Variants in CEP85L observed in about 807,000 individuals in gnomAD.
The protein encoded by CEP85L is centrosomal protein of 85 kDa-like.
CEP85L carries 60 observed loss-of-function variants against 100.3 expected under a neutral mutation model. That is an observed-to-expected ratio of 0.60 (90% CI 0.49 to 0.74). The LOEUF is 0.74. Among genes scored for constraint, CEP85L ranks in the 30% least tolerant of loss-of-function variants. CEP85L has a pLI of 0.00. For synonymous variants in CEP85L, 319 were observed against 322.7 expected, an observed-to-expected ratio of 0.99 and a Z score of 0.12; for missense variants, 973 against 936.2, an observed-to-expected ratio of 1.04 and a Z score of -0.51.
chr6:118,625,364 A>G (rs1001180604), intron 2 of CEP85L, among the ~76,000 whole-genome samples: 2 of 152,206 alleles, frequency 1.3e-5, no homozygotes, highest in Non-Finnish European at 2.9e-5. Context: ...CTTATACCCC[A>G]GTCCCGCCAC....
At chr6:118,614,909 T>TAGA (rs1554230858) in intron 2 of CEP85L, among the ~76,000 whole-genome samples, 4 of 150,952 alleles carry the variant, frequency 2.6e-5, no homozygotes, top group Non-Finnish European at 4.4e-5. Context: ...GATAGATAGA[T>TAGA]TTTTTTAAAA....
intron 3 of CEP85L, among the ~76,000 whole-genome samples, chr6:118,542,192 A>G (rs1264763011): frequency 6.6e-6 from 1 of 152,210 alleles, no homozygotes; most frequent in Non-Finnish European, 1.5e-5. Flanking sequence ...AAAATAAGAC[A>G]TTAAAATTTG....
intron 3 of CEP85L, among the ~76,000 whole-genome samples, chr6:118,556,208 AG>A (rs1388340546): frequency 6.6e-6 from 1 of 152,210 alleles, no homozygotes; most frequent in Non-Finnish European, 1.5e-5. Context: ...TGCTTTTATA[AG>A]CTGCTATTTT....
chr6:118,478,121 A>G (rs1278754750), intron 10 of CEP85L, among the ~76,000 whole-genome samples: 2 of 152,126 alleles, frequency 1.3e-5, no homozygotes, highest in Admixed American at 1.3e-4. Context: ...TCCATTAACC[A>G]CAATAGAAAG....
chr6:118,636,715 C>G (rs948923611), intron 1 of CEP85L, among the ~76,000 whole-genome samples: 1 of 152,154 alleles, frequency 6.6e-6, no homozygotes, highest in African/African-American at 2.4e-5. Flanking sequence ...CTGCCTGATC[C>G]CCTTTGATTA....
At chr6:118,624,149 C>T (rs1225446595) in intron 2 of CEP85L, among the ~76,000 whole-genome samples, 2 of 152,148 alleles carry the variant, frequency 1.3e-5, no homozygotes, top group East Asian at 3.9e-4. Flanking sequence ...GCTAAAAAGA[C>T]TCCTGCAGTT....
chr6:118,511,288 G>C lies in CEP85L; in HGVS notation c.1257+10C>G. The C allele has an allele frequency of 6.4e-7, 1 of 1,559,444 alleles. No homozygotes were observed. Among genetic ancestry groups the C allele is most frequent in the Non-Finnish European group, 8.8e-7 (1 of 1,131,360 alleles). ...TACTAAAACAGCTACAAAATCCTCT[G>C]TAATCTTACCTGCAAACTAGCCACA... On this transcript the variant is annotated intron_variant, in intron 5 of 12. Transcript: ENST00000368491.
At chr6:118,648,111 G>T (rs976402956) in intron 1 of CEP85L, among the ~76,000 whole-genome samples, 1 of 152,154 alleles carries the variant, frequency 6.6e-6, no homozygotes, top group Non-Finnish European at 1.5e-5. Context: ...AAAATTAGCT[G>T]GGTGTGGTGG....
chr6:118,626,487 G>T (rs1773803002), intron 2 of CEP85L, among the ~76,000 whole-genome samples: 1 of 152,128 alleles, frequency 6.6e-6, no homozygotes, highest in South Asian at 2.1e-4. Context: ...AAACGAGTAA[G>T]CATAAGTCGC....
intron 2 of CEP85L, among the ~76,000 whole-genome samples, chr6:118,591,675 C>T (rs1336847239): frequency 1.3e-5 from 2 of 151,826 alleles, no homozygotes; most frequent in African/African-American, 2.4e-5. Flanking sequence ...ATTCTGTAAC[C>T]AGATTCTTGA....
At chr6:118,628,125 C>T (rs377473217) in intron 2 of CEP85L, among the ~76,000 whole-genome samples, 19 of 151,752 alleles carry the variant, frequency 1.3e-4, no homozygotes, top group African/African-American at 2.9e-4. Flanking sequence ...CAGTATATCA[C>T]GATCAGCTTT....
At chr6:118,542,046 A>C (rs1777924497) in intron 3 of CEP85L, among the ~76,000 whole-genome samples, 1 of 152,218 alleles carries the variant, frequency 6.6e-6, no homozygotes, top group Non-Finnish European at 1.5e-5. Flanking sequence ...AGAGAATTTA[A>C]CAGATTTATT....
chr6:118,568,916 A>G (rs1302715166), intron 2 of CEP85L, among the ~76,000 whole-genome samples: 1 of 152,176 alleles, frequency 6.6e-6, no homozygotes. Context: ...TAGTTATACT[A>G]AAATCATCAT....
At chr6:118,608,535 T>G (rs77192584) in intron 2 of CEP85L, among the ~76,000 whole-genome samples, 4,117 of 152,212 alleles carry the variant, frequency 0.027, 190 homozygotes, top group African/African-American at 0.093. Flanking sequence ...AATATAAAAT[T>G]AATCTCTTAT....
intron 1 of CEP85L, among the ~76,000 whole-genome samples, chr6:118,701,216 G>A (rs1408069679): frequency 6.6e-6 from 1 of 152,160 alleles, no homozygotes; most frequent in Non-Finnish European, 1.5e-5. Flanking sequence ...ACTGTGGAAA[G>A]GAGTTTGGAG....
chr6:118,526,024 G>A (rs191703594), intron 3 of CEP85L, among the ~76,000 whole-genome samples: 16 of 152,308 alleles, frequency 1.1e-4, no homozygotes, highest in African/African-American at 3.6e-4. Flanking sequence ...TCATGCAGGA[G>A]ACAGGATAGG....
rs557969248 is a variant in CEP85L at position 118,547,762 on chromosome 6, G to C, written c.1020+17767C>G. Among the ~76,000 whole-genome samples, 7 of 152,106 alleles carry C rather than the reference G, an allele frequency of 4.6e-5. No individual in the cohort carries two copies. In the South Asian group the frequency reaches 1.0e-3, roughly 23 times the overall value. Reference sequence around the variant, plus strand: ...AATTTTTTAAAACAAAAAGCAATTAGCCTGATTTTCTCATACTCCTTCTCC... The same window carrying C: ...AATTTTTTAAAACAAAAAGCAATTACCCTGATTTTCTCATACTCCTTCTCC... On this transcript the variant is annotated intron_variant, in intron 3 of 12. Transcript: ENST00000368491.
At chr6:118,705,376 C>T (rs1394583509) in intron 1 of CEP85L, among the ~76,000 whole-genome samples, 1 of 152,126 alleles carries the variant, frequency 6.6e-6, no homozygotes, top group Non-Finnish European at 1.5e-5. Context: ...GGACAATTTG[C>T]AGAAGGGAGG....
intron 1 of CEP85L, among the ~76,000 whole-genome samples, chr6:118,685,539 A>T (rs1776801857): frequency 6.6e-6 from 1 of 151,812 alleles, no homozygotes; most frequent in Admixed American, 6.6e-5. Flanking sequence ...ACAAACTTTA[A>T]AAATACAACA....
Sources: allele counts gnomAD v4.1 joint callset (sites outside exome capture counted in the v4.1 genomes callset), GRCh38; gene constraint gnomAD v4.1.1; transcripts MANE v1.5; gene names NCBI Gene and HGNC (gene_info 2026-07-23, HGNC 2026-07-21).